TNR: variants seen among roughly 807,000 people sequenced by gnomAD.
TNR encodes the protein tenascin R, also known as tenascin-R.
Under a neutral mutation model 150.4 loss-of-function variants are expected in TNR, and 45 were observed. That is an observed-to-expected ratio of 0.30 (90% confidence interval 0.24 to 0.38). The LOEUF is 0.38. TNR is among the 10% of genes least tolerant of loss of function. The pLI is 1.00. For missense variants in TNR, 1,544 were observed against 1,759.1 expected, an observed-to-expected ratio of 0.88 and a Z score of 2.19; for synonymous variants, 687 against 678.4, an observed-to-expected ratio of 1.01 and a Z score of -0.20.
chr1:175,600,935 AT>A (rs1663208711), intron 1 of TNR, among the ~76,000 whole-genome samples: 1 of 152,208 alleles, frequency 6.6e-6, no homozygotes, highest in African/African-American at 2.4e-5. Context: ...TGAAAAAAAA[AT>A]TTGCATTTCC....
intron 1 of TNR, among the ~76,000 whole-genome samples, chr1:175,632,350 G>C (rs1664352489): frequency 6.6e-6 from 1 of 152,240 alleles, no homozygotes; most frequent in Admixed American, 6.5e-5. Context: ...TAGGGCATCA[G>C]TGTGGGATGA....
chr1:175,656,513 A>G (rs960362187), intron 1 of TNR: 2 of 152,272 alleles, frequency 1.3e-5, no homozygotes, highest in African/African-American at 4.8e-5. Flanking sequence ...CTGGGGACCC[A>G]GTGTTTGCTG....
chr1:175,412,663 C>A (rs527987102), intron 2 of TNR, among the ~76,000 whole-genome samples: 1 of 152,056 alleles, frequency 6.6e-6, no homozygotes, highest in African/African-American at 2.4e-5. Context: ...CACTCCAGCT[C>A]CACCCAAGGG....
intron 20 of TNR, among the ~76,000 whole-genome samples, chr1:175,331,182 C>T (rs1209539186): frequency 6.6e-4 from 37 of 55,694 alleles, no homozygotes; most frequent in African/African-American, 9.9e-4. Flanking sequence ...TCCTTCCTTC[C>T]TTCCTTCCTT....
rs114413217 is a variant in TNR at position 175,346,327 on chromosome 1, C to T, written c.3382+8064G>A. Among the ~76,000 whole-genome samples the T allele has an allele frequency of 7.2e-3, 1,097 of 152,164 alleles. 11 individuals carry two copies. The highest frequency in any genetic ancestry group is 0.022 in the South Asian group (107 of 4,824). On this transcript the variant is annotated intron_variant, in intron 18 of 22. Transcript: ENST00000367674. ...ATCCATAAGAATCCAGAGCCAAAAC[C>T]TAGACAGAGCTTGTTTGTGGGGAGG...
At chr1:175,650,129 T>C (rs1664915542) in intron 1 of TNR, among the ~76,000 whole-genome samples, 1 of 152,186 alleles carries the variant, frequency 6.6e-6, no homozygotes, top group African/African-American at 2.4e-5. Flanking sequence ...CAATGTTTAT[T>C]GGGAGGCTGA....
intron 1 of TNR, among the ~76,000 whole-genome samples, chr1:175,611,481 C>T (rs112314297): frequency 1.2e-3 from 183 of 152,136 alleles, no homozygotes; most frequent in African/African-American, 4.2e-3. Context: ...TACAGGCACT[C>T]GCCACCATGC....
intron 1 of TNR, among the ~76,000 whole-genome samples, chr1:175,695,985 T>TATGGATGGATGG (rs112381209): frequency 0.31 from 46,535 of 148,768 alleles, 8,036 homozygotes; most frequent in East Asian, 0.67. Context: ...CAGATGGATA[T>TATGGATGGATGG]ATGGATGGAT....
chr1:175,377,186 T>A (rs1652430026), intron 9 of TNR, among the ~76,000 whole-genome samples: 1 of 152,040 alleles, frequency 6.6e-6, no homozygotes. Context: ...ACCCACCTCA[T>A]GAGGTGGTTG....
intron 2 of TNR, among the ~76,000 whole-genome samples, chr1:175,435,852 G>A (rs1655485240): frequency 6.6e-6 from 1 of 152,158 alleles, no homozygotes; most frequent in African/African-American, 2.4e-5. Context: ...AAATCTCTGA[G>A]CATTTGCTTG....
chr1:175,465,935 G>A (rs768590951), intron 2 of TNR, among the ~76,000 whole-genome samples: 51 of 152,294 alleles, frequency 3.3e-4, no homozygotes, highest in Admixed American at 8.5e-4. Flanking sequence ...GTGTTGCTTG[G>A]TCCTTACATT....
At chr1:175,548,071 G>A (rs570713241) in intron 1 of TNR, among the ~76,000 whole-genome samples, 78 of 152,286 alleles carry the variant, frequency 5.1e-4, no homozygotes, top group African/African-American at 1.8e-3. Context: ...ATCACATCCA[G>A]GCGAGACAAC....
intron 1 of TNR, among the ~76,000 whole-genome samples, chr1:175,704,426 T>TG (rs1666789206): frequency 1.3e-5 from 2 of 152,136 alleles, no homozygotes; most frequent in African/African-American, 4.8e-5. Context: ...CATTGGGGAA[T>TG]GGGGCATCTG....
chr1:175,720,598 A>G (rs1667271857), intron 1 of TNR, among the ~76,000 whole-genome samples: 2 of 152,222 alleles, frequency 1.3e-5, no homozygotes, highest in South Asian at 2.1e-4. Flanking sequence ...TGATAGCTTT[A>G]TGAACTATTT....
chr1:175,425,414 A>G (rs888327390), intron 2 of TNR, among the ~76,000 whole-genome samples: 2 of 152,232 alleles, frequency 1.3e-5, no homozygotes, highest in African/African-American at 4.8e-5. Context: ...CATAAGGCCT[A>G]GCACAAAATA....
At position 175,323,176 on chromosome 1, in the gene TNR, G is replaced by T. The variant is rs1314081581; in HGVS notation, c.*181C>A. The stretch of plus-strand genomic sequence containing the variant: ...AGGGAGAATGGAGACTGAGGGTCAG[G>T]CTCCAGGGCAGCAGAAACCAAGAGC... On this transcript the variant is annotated 3_prime_UTR_variant, in exon 23 of 23. Coordinates refer to ENST00000367674, the MANE Select transcript of TNR (RefSeq NM_003285.3). 3 of 700,846 alleles carry T rather than the reference G, an allele frequency of 4.3e-6. No homozygotes were observed. The highest frequency in any genetic ancestry group is 3.1e-5 in the East Asian group (1 of 31,898). The allele number at this position is 700,846 out of a possible 1,614,324, so 43.4% of individuals were successfully genotyped here.
rs139952741 is a variant in TNR, at chr1:175,593,396, G to A, written c.-164-65027C>T. Among the ~76,000 whole-genome samples, 29 of 123,334 alleles carry A rather than the reference G, an allele frequency of 2.4e-4. No individual in the cohort carries two copies. In the East Asian group the frequency reaches 5.9e-3, roughly 25 times the overall value. The allele number at this position is 123,334 out of a possible 152,430, so 80.9% of individuals were successfully genotyped here. On this transcript the variant is annotated intron_variant, in intron 1 of 22. Transcript: ENST00000367674. Reference sequence around the variant, plus strand: ...AAGTCAAAGAGAGTGTAGATCAATCGGAACCAACCCAAGCCAACAGTTTGC... The same window carrying A: ...AAGTCAAAGAGAGTGTAGATCAATCAGAACCAACCCAAGCCAACAGTTTGC...
intron 1 of TNR, among the ~76,000 whole-genome samples, chr1:175,737,246 G>C (rs1667796986): frequency 6.6e-6 from 1 of 152,166 alleles, no homozygotes; most frequent in Admixed American, 6.5e-5. Flanking sequence ...CAACCCAGAA[G>C]AAAGTCATTT....
chr1:175,523,925 C>A (rs540184412), intron 2 of TNR, among the ~76,000 whole-genome samples: 1 of 152,276 alleles, frequency 6.6e-6, no homozygotes, highest in Non-Finnish European at 1.5e-5. Flanking sequence ...AGCGTCTACA[C>A]GTCAGGCTGC....
Sources: allele counts gnomAD v4.1 joint callset (sites outside exome capture counted in the v4.1 genomes callset), GRCh38; gene constraint gnomAD v4.1.1; transcripts MANE v1.5; gene names NCBI Gene and HGNC (gene_info 2026-07-23, HGNC 2026-07-21).